The following QRICH2 variants were observed in gnomAD, a reference collection of about 807,000 sequenced individuals.
The protein encoded by QRICH2 is glutamine-rich protein 2.
Under a neutral mutation model 168.3 loss-of-function variants are expected in QRICH2, and 119 were observed. The observed-to-expected ratio is 0.71, with a 90% CI of 0.61 to 0.82. QRICH2 has a LOEUF of 0.82. QRICH2 is among the 40% of genes least tolerant of loss of function. The pLI is 0.00. For synonymous variants in QRICH2, 894 were observed against 951.2 expected, an observed-to-expected ratio of 0.94 and a Z score of 1.11; for missense variants, 2,241 against 2,491.6, an observed-to-expected ratio of 0.90 and a Z score of 2.14.
chr17:76,287,992 C>T, intron 5 of QRICH2, 95 bp from the exon 6 acceptor site: 1 of 915,642 alleles, frequency 1.1e-6, no homozygotes, highest in Non-Finnish European at 1.8e-6. Flanking sequence ...CTCCCCGTTC[C>T]CTCTACTAAC....
At chr17:76,305,018 C>T (rs949789567) in intron 1 of QRICH2, 77 bp from the exon 2 acceptor site, 112 of 935,112 alleles carry the variant, frequency 1.2e-4, no homozygotes, top group Non-Finnish European at 1.6e-4. Flanking sequence ...CACACAGATG[C>T]GCACACACAC....
At chr17:76,296,196 C>G (rs2070790951) in intron 3 of QRICH2, among the ~76,000 whole-genome samples, 1 of 152,108 alleles carries the variant, frequency 6.6e-6, no homozygotes, top group Non-Finnish European at 1.5e-5. Flanking sequence ...GCACTCCAGC[C>G]TGGGAGACAG....
At chr17:76,275,194 G>T (rs568401819) in intron 18 of QRICH2, among the ~76,000 whole-genome samples, 14 of 150,546 alleles carry the variant, frequency 9.3e-5, no homozygotes, top group Admixed American at 7.9e-4. Flanking sequence ...TTAGATTCTT[G>T]GGGGGGGCCT....
In QRICH2 at chr17:76,293,376, C is replaced by G. The variant is rs1463555374; in HGVS notation, c.1351G>C (p.Asp451His). Residue 451 changes from aspartate (D) to histidine (H), a missense_variant, in exon 4 of 19, where the codon GAC becomes CAC. By Grantham distance (81) the Asp-to-His change is moderately conservative. Around this residue, in one of 3 missense-constraint regions of QRICH2, gnomAD observed 2,047 missense variants for 2,303.8 expected, o/e 0.89. Transcript: ENST00000680821. ...CTAGGTAGTTCCAATCCTTGCTGGTCTCTGCCAGGTACTGATGGTGGCAAC... is the reference window on the plus strand; with the variant it reads ...CTAGGTAGTTCCAATCCTTGCTGGTGTCTGCCAGGTACTGATGGTGGCAAC... The part of the protein sequence containing the change: ...RMLPPSVPGR[D>H]QQGLELPSTD... 7 of 1,614,220 alleles carry G rather than the reference C, an allele frequency of 4.3e-6. No individual in the cohort carries two copies. The highest frequency in any genetic ancestry group is 5.1e-6 in the Non-Finnish European group (6 of 1,180,046).
At chr17:76,304,791 G>A (rs1019974890) in intron 2 of QRICH2, 91 bp downstream of exon 2, 2 of 958,974 alleles carry the variant, frequency 2.1e-6, no homozygotes, top group Admixed American at 1.7e-5. Context: ...CACACTGCCT[G>A]CCCTGGATGG....
chr17:76,298,181 A>ATTTTTT lies in QRICH2; in HGVS notation c.706-4166_706-4161dup, dbSNP rs1244588706. On this transcript the variant is annotated intron_variant, in intron 3 of 18. Transcript: ENST00000680821. ...GCCACGCTGCCTGGCTTTCTGGCTA[A>ATTTTTT]TTTTTTTTTTTTTTTTTTTTGAGAC... Among the ~76,000 whole-genome samples the ATTTTTT allele has an allele frequency of 2.1e-4, 18 of 84,240 alleles. 2 individuals are homozygous for ATTTTTT. Among genetic ancestry groups the ATTTTTT allele is most frequent in the African/African-American group, 8.1e-4 (15 of 18,538 alleles). 55.3% of individuals were successfully genotyped at this position (84,240 alleles called of 152,430 possible).
chr17:76,277,344 A>G (rs2070701226), intron 15 of QRICH2, 34 bp from the exon 16 acceptor site: 2 of 1,601,042 alleles, frequency 1.2e-6, no homozygotes, highest in East Asian at 2.3e-5. Context: ...CATTGGGAGC[A>G]GACCACCAGG....
chr17:76,307,854 C>G lies in QRICH2; in HGVS notation c.145G>C (p.Asp49His), dbSNP rs933427361. 15 of 1,275,040 alleles carry G rather than the reference C, an allele frequency of 1.2e-5. No homozygotes were observed. In the African/African-American group the frequency reaches 2.3e-4, roughly 20 times the overall value. 79.0% of individuals were successfully genotyped at this position (1,275,040 alleles called of 1,614,324 possible). Residue 49 changes from aspartate to histidine, a missense_variant, in exon 1 of 19, where the codon GAC becomes CAC. Coordinates refer to ENST00000680821, the MANE Select transcript of QRICH2 (RefSeq NM_001388453.1). This position sits in a 1 kb window ranked among gnomAD's most constrained non-coding sequence, Gnocchi z 5.3. Reference protein sequence around the residue: ...KNLDLQNTRIDFQPSSPEPSR... With the variant: ...KNLDLQNTRIHFQPSSPEPSR... Reference sequence around the variant, plus strand: ...GGCTCGGGCGACGAGGGCTGGAAGTCGATCCGGGTATTTTGGAGGTCGAGG... The same window carrying G: ...GGCTCGGGCGACGAGGGCTGGAAGTGGATCCGGGTATTTTGGAGGTCGAGG...
In QRICH2 at chr17:76,292,331, C is replaced by T. The variant is rs759142851; in HGVS notation, c.2396G>A (p.Arg799His). The T allele has an allele frequency of 7.2e-5, 56 of 772,666 alleles. No homozygotes were observed. The highest frequency in any genetic ancestry group is 4.2e-4 in the East Asian group (3 of 7,094). The allele number at this position is 772,666 out of a possible 1,614,324, so 47.9% of individuals were successfully genotyped here. A position where few individuals can be genotyped will look rare whatever the true frequency, so the allele number is the denominator to read the frequency against. The stretch of plus-strand genomic sequence containing the variant: ...AACTGCACCAGGTTGCACCAAACCA[C>T]GCTGAACTATACCAGGTTGCACCAA... Reference protein sequence around the residue: ...RSLVQPGIVQRGLVQPGAVQR... With the variant: ...RSLVQPGIVQHGLVQPGAVQR... Residue 799 changes from arginine (R) to histidine (H), a missense_variant, in exon 4 of 19, where the codon CGT (arginine) becomes CAT (histidine). Physicochemically the swap from Arg to His is conservative, Grantham distance 29. Around this residue, in one of 3 missense-constraint regions of QRICH2, gnomAD observed 2,047 missense variants for 2,303.8 expected, o/e 0.89. Coordinates refer to ENST00000680821, the MANE Select transcript of QRICH2 (RefSeq NM_001388453.1).
At chr17:76,295,313 C>T (rs2070778380) in intron 3 of QRICH2, among the ~76,000 whole-genome samples, 1 of 151,820 alleles carries the variant, frequency 6.6e-6, no homozygotes, top group African/African-American at 2.4e-5. Flanking sequence ...ATTGTTGACC[C>T]ATTGCTGCTG....
In QRICH2 at chr17:76,292,002, G is replaced by A. The variant is rs762758312; in HGVS notation, c.2725C>T (p.Leu909=). ...PGLVQPGAGQ[L]GMVQPGIGQQ... is the part of the protein sequence containing the mutation. ...CCTATTCCAGGCTGCACCATACCCA[G>A]CTGACCTGCACCAGGCTGGACCAAA... Residue 909 remains leucine (L), a synonymous_variant, in exon 4 of 19, where the codon CTG becomes TTG. Coordinates refer to ENST00000680821, the MANE Select transcript of QRICH2 (RefSeq NM_001388453.1). 1 of 1,614,216 alleles carries A rather than the reference G, an allele frequency of 6.2e-7. No individual in the cohort carries two copies. The highest frequency in any genetic ancestry group is 8.5e-7 in the Non-Finnish European group (1 of 1,180,040).
intron 3 of QRICH2, among the ~76,000 whole-genome samples, chr17:76,302,549 A>G (rs1438800023): frequency 6.6e-6 from 1 of 152,172 alleles, no homozygotes; most frequent in Non-Finnish European, 1.5e-5. Context: ...GCAGTGATGA[A>G]GTCACAAAGG....
Position 76,298,622 on chromosome 17 carries a change from T to C in QRICH2, c.706-4601A>G, listed in dbSNP as rs188516199. Among the ~76,000 whole-genome samples the C allele has an allele frequency of 6.8e-4, 103 of 152,020 alleles. 1 individual carries two copies. In the East Asian group the frequency reaches 0.016, roughly 24 times the overall value. On this transcript the variant is annotated intron_variant, in intron 3 of 18. Transcript: ENST00000680821. ...CGTGAGCAACCATGTCTGACCTCTT[T>C]GTCTTTTTTTTAAGACAGAGTCTCG...
chr17:76,277,971 C>A lies in QRICH2; in HGVS notation c.5117+18G>T. ...CACTGGGTGCCTGCTCCCATGGCCTCGCCCGCCTCTCCTGTACCGTTTGTA... is the reference window on the plus strand; with the variant it reads ...CACTGGGTGCCTGCTCCCATGGCCTAGCCCGCCTCTCCTGTACCGTTTGTA... On this transcript the variant is annotated intron_variant, in intron 15 of 18. Coordinates refer to ENST00000680821, the MANE Select transcript of QRICH2 (RefSeq NM_001388453.1). 1 of 1,605,062 alleles carries A rather than the reference C, an allele frequency of 6.2e-7. No homozygotes were observed.
Position 76,293,336 on chromosome 17 carries a change from C to T in QRICH2, c.1391G>A (p.Gly464Asp). 6.2e-7 allele frequency: 1 copy of T among 1,614,166 alleles called. No homozygotes were observed. The change falls in exon 4 of 19, where the codon GGT (glycine) becomes GAT (aspartate). Residue 464 changes from glycine to aspartate, a missense_variant. Gly to Asp is a moderately conservative substitution (Grantham distance 94). Around this residue, in one of 3 missense-constraint regions of QRICH2, gnomAD observed 2,047 missense variants for 2,303.8 expected, o/e 0.89. Coordinates refer to ENST00000680821, the MANE Select transcript of QRICH2 (RefSeq NM_001388453.1). ...GLELPSTDQH[G>D]LVSVSAYQHG... is the part of the protein sequence containing the mutation. ...CTGATATGCACTGACTGAAACCAGA[C>T]CATGTTGGTCTGTGCTAGGTAGTTC... is the stretch of plus-strand genomic sequence containing the variant.
At chr17:76,290,709 C>T (rs1033273253) in intron 4 of QRICH2, among the ~76,000 whole-genome samples, 2 of 152,100 alleles carry the variant, frequency 1.3e-5, no homozygotes, top group African/African-American at 2.4e-5. Flanking sequence ...AATTCTTCAA[C>T]ATTCTCTCCC....
intron 7 of QRICH2, among the ~76,000 whole-genome samples, chr17:76,284,144 G>A (rs2070837920): frequency 8.4e-6 from 1 of 118,904 alleles, no homozygotes. Context: ...CTCCAGCCTG[G>A]GCAACAGAGC....
rs543251158 is a variant in QRICH2 at position 76,277,485 on chromosome 17, C to T, written c.5118-175G>A. On this transcript the variant is annotated intron_variant, in intron 15 of 18. Transcript: ENST00000680821. Reference sequence around the variant, plus strand: ...GGGCGGGGGTAGAGCAGCCGTGAGGCCGGGCCACCCCAGTGACTGTGCACA... The same window carrying T: ...GGGCGGGGGTAGAGCAGCCGTGAGGTCGGGCCACCCCAGTGACTGTGCACA... 1.2e-4 allele frequency among the ~76,000 whole-genome samples: 19 copies of T among 152,132 alleles called. No individual in the cohort carries two copies. In the East Asian group the frequency reaches 3.5e-3, roughly 28 times the overall value.
rs2071014602 is a variant in QRICH2, at chr17:76,307,799, G to C, written c.200C>G (p.Ser67Trp). The C allele has an allele frequency of 7.3e-7, 1 of 1,366,302 alleles. No homozygotes were observed. The allele number at this position is 1,366,302 out of a possible 1,614,324, so 84.6% of individuals were successfully genotyped here. A position where few individuals can be genotyped will look rare whatever the true frequency, so the allele number is the denominator to read the frequency against. ...CGCGGGCAGGTGCGGGATGCTGAAC[G>C]AGCTCCGGACGGACTGCAGCGAGCG... The part of the protein sequence containing the change: ...PSRSLQSVRS[S>W]FSIPHLPAPK... The change falls in exon 1 of 19, where the codon TCG (serine) becomes TGG (tryptophan). Residue 67 changes from serine (S) to tryptophan (W), a missense_variant. Transcript: ENST00000680821. This position sits in a 1 kb window ranked among gnomAD's most constrained non-coding sequence, Gnocchi z 5.3.
Sources: allele counts gnomAD v4.1 joint callset (sites outside exome capture counted in the v4.1 genomes callset), GRCh38; gene constraint gnomAD v4.1.1; regional missense constraint gnomAD v4.1.1; non-coding constraint Gnocchi (gnomAD v3.1); transcripts MANE v1.5; gene names NCBI Gene and HGNC (gene_info 2026-07-23, HGNC 2026-07-21).